Variants in KCNN3 observed in about 807,000 individuals in gnomAD.
KCNN3 encodes potassium calcium-activated channel subfamily N member 3, also known as small conductance calcium-activated potassium channel protein 3.
Under a neutral mutation model 62.9 loss-of-function variants are expected in KCNN3, and 16 were observed. The ratio of observed to expected loss-of-function variants is 0.25; its 90% CI spans 0.17 to 0.39. KCNN3 has a LOEUF of 0.39. Ranked by LOEUF, KCNN3 falls within the 10% of genes least tolerant of loss-of-function variation. KCNN3 has a pLI of 1.00. For missense variants in KCNN3, 599 were observed against 949.4 expected, an observed-to-expected ratio of 0.63 and a Z score of 4.85; for synonymous variants, 370 against 389.2, an observed-to-expected ratio of 0.95 and a Z score of 0.58.
intron 2 of KCNN3, among the ~76,000 whole-genome samples, chr1:154,780,430 A>C (rs1262911594): frequency 1.3e-5 from 2 of 150,866 alleles, no homozygotes; most frequent in East Asian, 3.9e-4. Context: ...TCTCTAAATT[A>C]AAGGAGAGAA....
At chr1:154,863,533 C>G (rs530629494) in intron 1 of KCNN3, among the ~76,000 whole-genome samples, 1 of 152,190 alleles carries the variant, frequency 6.6e-6, no homozygotes, top group African/African-American at 2.4e-5. Context: ...TTTTCTCCCC[C>G]AAATGTGCTT....
At chr1:154,716,301 C>T (rs1284064997) in intron 5 of KCNN3, among the ~76,000 whole-genome samples, 2 of 152,258 alleles carry the variant, frequency 1.3e-5, no homozygotes, top group South Asian at 2.1e-4. Context: ...TTTTGATTAA[C>T]CATCCCCATT....
intron 2 of KCNN3, among the ~76,000 whole-genome samples, chr1:154,773,618 T>A (rs899702783): frequency 6.6e-6 from 1 of 152,198 alleles, no homozygotes; most frequent in Non-Finnish European, 1.5e-5. Flanking sequence ...TCAGCCAGTG[T>A]CCATTGGAGA....
At chr1:154,798,846 T>C (rs1179492489) in intron 2 of KCNN3, among the ~76,000 whole-genome samples, 1 of 151,904 alleles carries the variant, frequency 6.6e-6, no homozygotes, top group East Asian at 1.9e-4. Flanking sequence ...CACCTCACTA[T>C]ACTGTGGGCA....
At chr1:154,714,436 G>GT (rs1700175130) in intron 6 of KCNN3, among the ~76,000 whole-genome samples, 2 of 131,096 alleles carry the variant, frequency 1.5e-5, no homozygotes, top group African/African-American at 5.6e-5. Flanking sequence ...TGTGGTGTGT[G>GT]GGGGGTGTGT....
At chr1:154,712,062 G>C (rs1309500089) in intron 7 of KCNN3, among the ~76,000 whole-genome samples, 1 of 151,856 alleles carries the variant, frequency 6.6e-6, no homozygotes, top group Non-Finnish European at 1.5e-5. Flanking sequence ...GACAGGGAGA[G>C]GGAGAGAGAA....
At chr1:154,820,603 C>A (rs959716348) in intron 2 of KCNN3, among the ~76,000 whole-genome samples, 9 of 152,202 alleles carry the variant, frequency 5.9e-5, no homozygotes, top group Non-Finnish European at 1.5e-5. Flanking sequence ...TGTCCTGTCT[C>A]GATTCCGTGG....
intron 1 of KCNN3, among the ~76,000 whole-genome samples, chr1:154,855,922 G>A (rs1465233437): frequency 6.6e-6 from 1 of 152,182 alleles, no homozygotes; most frequent in African/African-American, 2.4e-5. Flanking sequence ...TTAGCTGAGT[G>A]ATCCCACAGA....
At chr1:154,779,676 G>A (rs182034313) in intron 2 of KCNN3, among the ~76,000 whole-genome samples, 23 of 152,330 alleles carry the variant, frequency 1.5e-4, no homozygotes, top group Non-Finnish European at 2.4e-4. Flanking sequence ...CAGGGGGGCC[G>A]CTGGAGAAAA....
Position 154,857,394 on chromosome 1 carries a change from C to A in KCNN3, c.933+11638G>T, listed in dbSNP as rs74116208. On this transcript the variant is annotated intron_variant, in intron 1 of 7. Coordinates refer to ENST00000271915, the MANE Select transcript of KCNN3 (RefSeq NM_002249.6). Reference sequence around the variant, plus strand: ...GCACGGCACCTGGAGCTTCAGCAAACCCCTGTATCTAAACTGCCAGCATCC... The same window carrying A: ...GCACGGCACCTGGAGCTTCAGCAAAACCCTGTATCTAAACTGCCAGCATCC... Among the ~76,000 whole-genome samples the A allele has an allele frequency of 7.6e-3, 1,154 of 152,282 alleles. 13 individuals carry two copies. The highest frequency in any genetic ancestry group is 0.024 in the African/African-American group (1,004 of 41,548).
Position 154,704,510 on chromosome 1 carries a change from T to A in KCNN3, c.*3466A>T, listed in dbSNP as rs956926051. 4 of 152,208 alleles carry A rather than the reference T, an allele frequency of 2.6e-5. No homozygotes were observed. The highest frequency in any genetic ancestry group is 9.7e-5 in the African/African-American group (4 of 41,440). 9.4% of individuals were successfully genotyped at this position (152,208 alleles called of 1,614,324 possible). On this transcript the variant is annotated 3_prime_UTR_variant, in exon 8 of 8. Coordinates refer to ENST00000271915, the MANE Select transcript of KCNN3 (RefSeq NM_002249.6). ...TGAAATTCCACTGAGATTAGTGGTC[T>A]TAAAGTATCACAGTACATCCCTGAC...
chr1:154,761,455 G>A (rs1053900648), intron 3 of KCNN3, among the ~76,000 whole-genome samples: 2 of 152,080 alleles, frequency 1.3e-5, no homozygotes, highest in Non-Finnish European at 2.9e-5. Context: ...ATGACAGAGC[G>A]AGACTCTATC....
chr1:154,865,740 TAGG>T (rs1198206257), intron 1 of KCNN3, among the ~76,000 whole-genome samples: 1 of 151,822 alleles, frequency 6.6e-6, no homozygotes, highest in African/African-American at 2.4e-5. Flanking sequence ...CCGCCAAACA[TAGG>T]TGAACAGCAA....
At chr1:154,828,956 C>T (rs942609500) in intron 1 of KCNN3, among the ~76,000 whole-genome samples, 3 of 152,370 alleles carry the variant, frequency 2.0e-5, no homozygotes, top group African/African-American at 4.8e-5. Flanking sequence ...CATATATTCA[C>T]TGAGCACTTA....
intron 1 of KCNN3, among the ~76,000 whole-genome samples, chr1:154,850,440 A>T (rs1156985885): frequency 6.6e-6 from 1 of 152,180 alleles, no homozygotes; most frequent in East Asian, 1.9e-4. Context: ...CCAGCATCAG[A>T]CACCAGCTGG....
intron 3 of KCNN3, chr1:154,736,956 C>T (rs776501118): frequency 3.0e-5 from 21 of 691,406 alleles, no homozygotes; most frequent in Admixed American, 8.1e-5. Flanking sequence ...GTGGGGGCTA[C>T]GGAAGATGCT....
rs920992562 is a variant in KCNN3, at chr1:154,708,025, A to T, written c.2147T>A (p.Val716Asp). Residue 716 changes from valine to aspartate, a missense_variant, in exon 8 of 8, where the codon GTC becomes GAC. By Grantham distance (152) the Val-to-Asp change is radical. Transcript: ENST00000271915. Reference sequence around the variant, plus strand: ...CGGGGTCGGGAAGGAGGTGGAGCTGACCCCAATGGGGCTATCGGAGATTGG... The same window carrying T: ...CGGGGTCGGGAAGGAGGTGGAGCTGTCCCCAATGGGGCTATCGGAGATTGG... The part of the protein sequence containing the change: ...HTPISDSPIG[V>D]SSTSFPTPYT... 1.9e-6 allele frequency: 3 copies of T among 1,613,264 alleles called. No homozygotes were observed. Among genetic ancestry groups the T allele is most frequent in the East Asian group, 4.5e-5 (2 of 44,824 alleles).
At position 154,772,346 on chromosome 1, in the gene KCNN3, G is replaced by C; in HGVS notation, c.1077C>G (p.Thr359=). ...NGADDWRIAM[T]YERILYISLE... ...GGCTGATGTACAGGATGCGCTCGTA[G>C]GTCATGGCTATCCGCCAGTCATCCG... Residue 359 remains threonine, a synonymous_variant, in exon 3 of 8, where the codon ACC becomes ACG. Transcript: ENST00000271915. The surrounding 1 kb of genome is among the most constrained non-coding windows in gnomAD (Gnocchi z 5.6). 6.2e-7 allele frequency: 1 copy of C among 1,614,212 alleles called. No homozygotes were observed. The highest frequency in any genetic ancestry group is 1.7e-5 in the Admixed American group (1 of 60,034).
intron 2 of KCNN3, among the ~76,000 whole-genome samples, chr1:154,780,967 C>T (rs370954188): frequency 5.3e-5 from 8 of 152,168 alleles, no homozygotes; most frequent in African/African-American, 1.4e-4. Context: ...CACGCTACCC[C>T]GCTCTGTGTC....
Sources: gnomAD v4.1 joint callset for allele counts (sites outside exome capture counted in the v4.1 genomes callset) on GRCh38, gnomAD v4.1.1 for gene constraint, Gnocchi (gnomAD v3.1) non-coding constraint, MANE v1.5 for transcripts, NCBI Gene and HGNC (gene_info 2026-07-23, HGNC 2026-07-21) for gene names.